The following TDRP variants were observed in gnomAD, a reference collection of about 807,000 sequenced individuals.
The protein encoded by TDRP is testis development related protein, also known as testis development-related protein.
Under a neutral mutation model 10.5 loss-of-function variants are expected in TDRP, and 12 were observed. The observed-to-expected ratio is 1.15, with a 90% confidence interval of 0.73 to 1.86. The LOEUF (loss-of-function observed/expected upper bound fraction) is 1.86. TDRP is among the 40% of genes most tolerant of loss of function. The pLI, the probability that TDRP is intolerant of heterozygous loss-of-function variation, is 0.00. For synonymous variants in TDRP, 139 were observed against 95.4 expected (o/e 1.46, Z -2.67); for missense variants, 353 against 229.2 (o/e 1.54, Z -3.49).
chr8:492,639 A>C lies in TDRP; in HGVS notation c.318T>G (p.Ile106Met), dbSNP rs948965343. 1.9e-6 allele frequency: 3 copies of C among 1,613,870 alleles called. No individual in the cohort carries two copies. In the African/African-American group the frequency reaches 4.0e-5, roughly 22 times the overall value. The change falls in exon 3 of 3, where the codon ATT (isoleucine) becomes ATG (methionine). Residue 106 changes from isoleucine to methionine, a missense_variant. Coordinates refer to ENST00000324079, the MANE Select transcript of TDRP (RefSeq NM_001384899.1). ...CAAGTTTTGGAGGCTCCCAACCTTCAATTTCATCTGGTTTTTTAGACTGTA... is the reference window on the plus strand; with the variant it reads ...CAAGTTTTGGAGGCTCCCAACCTTCCATTTCATCTGGTTTTTTAGACTGTA... ...QNIQSKKPDE[I>M]EGWEPPKLAL...
In TDRP at chr8:520,494, T is replaced by A. The variant is rs112006073; in HGVS notation, c.108+24156A>T. 5.4e-3 allele frequency among the ~76,000 whole-genome samples: 823 copies of A among 152,334 alleles called. 6 individuals are homozygous for A. The highest frequency in any genetic ancestry group is 0.019 in the African/African-American group (794 of 41,582). On this transcript the variant is annotated intron_variant, in intron 1 of 2. Coordinates refer to ENST00000324079, the MANE Select transcript of TDRP (RefSeq NM_001384899.1). ...GGGATGGCTGAAACATATAATTCTA[T>A]TTTTAACTTTTTGATAAATCTCTAT... is the stretch of plus-strand genomic sequence containing the variant.
At chr8:539,538 C>A (rs945987728) in intron 1 of TDRP, among the ~76,000 whole-genome samples, 1 of 152,156 alleles carries the variant, frequency 6.6e-6, no homozygotes. Flanking sequence ...CTGGTAAGGG[C>A]TACAACTTAC....
At chr8:532,925 C>T (rs1312362916) in intron 1 of TDRP, among the ~76,000 whole-genome samples, 1 of 152,134 alleles carries the variant, frequency 6.6e-6, no homozygotes, top group Non-Finnish European at 1.5e-5. Context: ...GACCCCAAAG[C>T]CTAAAACAGT....
At chr8:501,292 C>T (rs902955843) in intron 1 of TDRP, among the ~76,000 whole-genome samples, 2 of 152,114 alleles carry the variant, frequency 1.3e-5, no homozygotes, top group African/African-American at 2.4e-5. Flanking sequence ...CCAGTTCAGT[C>T]CAGAGTCCAT....
rs550311377 is a variant in TDRP at position 519,045 on chromosome 8, C to T, written c.109-24448G>A. Among the ~76,000 whole-genome samples the T allele has an allele frequency of 1.8e-4, 26 of 144,264 alleles. 1 individual carries two copies. The highest frequency in any genetic ancestry group is 6.2e-4 in the African/African-American group (25 of 40,218). 94.6% of individuals were successfully genotyped at this position (144,264 alleles called of 152,430 possible). ...TTCAGGACTAGAACTTTCAGCCCCA[C>T]ACCCACCTCCTCCTCTGACCTCCAA... On this transcript the variant is annotated intron_variant, in intron 1 of 2. Coordinates refer to ENST00000324079, the MANE Select transcript of TDRP (RefSeq NM_001384899.1).
chr8:498,688 G>T (rs934554639), intron 1 of TDRP, among the ~76,000 whole-genome samples: 5 of 152,138 alleles, frequency 3.3e-5, no homozygotes, highest in African/African-American at 9.7e-5. Context: ...TTACATTTGG[G>T]AGGGGCCAGG....
chr8:503,220 G>A (rs1184836131), intron 1 of TDRP, among the ~76,000 whole-genome samples: 1 of 151,592 alleles, frequency 6.6e-6, no homozygotes, highest in African/African-American at 2.4e-5. Context: ...CCACACACTG[G>A]AAGCAATGCC....
chr8:520,031 C>T (rs1156814751), intron 1 of TDRP, among the ~76,000 whole-genome samples: 2 of 152,146 alleles, frequency 1.3e-5, no homozygotes, highest in African/African-American at 4.8e-5. Flanking sequence ...GGTCACAGCA[C>T]GTTCAGAAGC....
At position 544,706 on chromosome 8, in the gene TDRP, C is replaced by T; in HGVS notation, c.52G>A (p.Glu18Lys). ...GGCGGCCCCCCACGCAGGCCGTCCTCCTCCTCGGGGGGCTCGTCCAGCAGC... is the reference window on the plus strand; with the variant it reads ...GGCGGCCCCCCACGCAGGCCGTCCTTCTCCTCGGGGGGCTCGTCCAGCAGC... ...RVLLDEPPEE[E>K]DGLRGGPPPA... Residue 18 changes from glutamate to lysine, a missense_variant, in exon 1 of 3, where the codon GAG becomes AAG. By Grantham distance (56) the Glu-to-Lys change is moderately conservative. Coordinates refer to ENST00000324079, the MANE Select transcript of TDRP (RefSeq NM_001384899.1). The T allele has an allele frequency of 4.8e-6, 6 of 1,246,496 alleles. No individual in the cohort carries two copies. The highest frequency in any genetic ancestry group is 5.0e-6 in the Non-Finnish European group (5 of 996,010). The allele number at this position is 1,246,496 out of a possible 1,614,324, so 77.2% of individuals were successfully genotyped here. A position where few individuals can be genotyped will look rare whatever the true frequency, so the allele number is the denominator to read the frequency against.
intron 1 of TDRP, among the ~76,000 whole-genome samples, chr8:532,467 G>A (rs575273678): frequency 3.9e-5 from 6 of 152,342 alleles, no homozygotes; most frequent in South Asian, 2.1e-4. Context: ...CTCTGCTAGG[G>A]TGAAGACCAT....
At chr8:531,028 C>A (rs955690410) in intron 1 of TDRP, among the ~76,000 whole-genome samples, 12 of 152,158 alleles carry the variant, frequency 7.9e-5, no homozygotes, top group African/African-American at 2.7e-4. Flanking sequence ...TCAGGAGAGA[C>A]AGAAACCAGT....
intron 1 of TDRP, among the ~76,000 whole-genome samples, chr8:517,675 G>C (rs1473943006): frequency 2.0e-5 from 3 of 152,142 alleles, no homozygotes; most frequent in Non-Finnish European, 2.9e-5. Context: ...TGTAACTTTT[G>C]TCCCCCTAAA....
intron 1 of TDRP, among the ~76,000 whole-genome samples, chr8:511,676 A>G (rs1456071163): frequency 1.3e-5 from 2 of 152,250 alleles, no homozygotes; most frequent in Non-Finnish European, 2.9e-5. Flanking sequence ...AGTCTTCAGG[A>G]CAGATCATAT....
intron 1 of TDRP, among the ~76,000 whole-genome samples, chr8:519,193 A>C (rs1801832851): frequency 6.6e-6 from 1 of 152,184 alleles, no homozygotes; most frequent in South Asian, 2.1e-4. Context: ...CTTCCAGGTT[A>C]GTGAACCCAT....
Position 491,535 on chromosome 8 carries a change from A to C in TDRP, c.*864T>G. ...AATCACAATAGGCATCTCGCTTTGC[A>C]AGAACAAACATATGAGCCTAATAAA... On this transcript the variant is annotated 3_prime_UTR_variant, in exon 3 of 3. Transcript: ENST00000324079. 1 of 1,386,392 alleles carries C rather than the reference A, an allele frequency of 7.2e-7. No individual in the cohort carries two copies. Among genetic ancestry groups the C allele is most frequent in the Non-Finnish European group, 9.6e-7 (1 of 1,043,286 alleles). 85.9% of individuals were successfully genotyped at this position (1,386,392 alleles called of 1,614,324 possible). A position where few individuals can be genotyped will look rare whatever the true frequency, so the allele number is the denominator to read the frequency against.
At chr8:542,928 G>T (rs1022195959) in intron 1 of TDRP, among the ~76,000 whole-genome samples, 8 of 151,726 alleles carry the variant, frequency 5.3e-5, no homozygotes, top group Non-Finnish European at 1.2e-4. Flanking sequence ...TTTAACGAAG[G>T]CACTGCCAGC....
intron 1 of TDRP, 144 bp from the exon 2 acceptor site, chr8:494,741 A>C (rs1801081555): frequency 1.5e-6 from 1 of 673,144 alleles, no homozygotes; most frequent in Non-Finnish European, 2.5e-6. Context: ...GTGCGCACAT[A>C]GTTTACTCCC....
intron 2 of TDRP, among the ~76,000 whole-genome samples, chr8:493,452 G>A (rs1402020710): frequency 6.6e-6 from 1 of 152,234 alleles, no homozygotes; most frequent in Admixed American, 6.5e-5. Context: ...GAGCACGAAG[G>A]GCCATGTGTC....
chr8:534,223 G>T (rs183315935), intron 1 of TDRP, among the ~76,000 whole-genome samples: 1 of 152,250 alleles, frequency 6.6e-6, no homozygotes, highest in African/African-American at 2.4e-5. Context: ...ACTTCTCTAA[G>T]ATCATCGAAT....
Sources: gnomAD v4.1 joint callset for allele counts (sites outside exome capture counted in the v4.1 genomes callset) on GRCh38, gnomAD v4.1.1 for gene constraint, MANE v1.5 for transcripts, NCBI Gene and HGNC (gene_info 2026-07-23, HGNC 2026-07-21) for gene names.